The following PRTG variants were observed in gnomAD, a reference collection of about 807,000 sequenced individuals.
The protein encoded by PRTG is protogenin.
Under a neutral mutation model 122.5 loss-of-function variants are expected in PRTG, and 67 were observed. That is an observed-to-expected ratio of 0.55 (90% confidence interval 0.45 to 0.67). The LOEUF is 0.67. Among genes scored for constraint, PRTG ranks in the 30% least tolerant of loss-of-function variants. The pLI is 0.00. For synonymous variants in PRTG, 554 were observed against 501.1 expected (o/e 1.11, Z -1.41); for missense variants, 1,435 against 1,415.4 (o/e 1.01, Z -0.22).
chr15:55,726,463 G>C (rs1195562353), intron 2 of PRTG, among the ~76,000 whole-genome samples: 1 of 151,970 alleles, frequency 6.6e-6, no homozygotes, highest in Non-Finnish European at 1.5e-5. Context: ...AGAGAGCTGG[G>C]GAGGCTGTAC....
chr15:55,672,709 T>G, intron 10 of PRTG, 76 bp from the exon 11 acceptor site: 1 of 1,119,980 alleles, frequency 8.9e-7, no homozygotes, highest in Non-Finnish European at 1.2e-6. Flanking sequence ...GGTAGTTCTC[T>G]CAGTTTTAAG....
chr15:55,624,622 C>A, intron 17 of PRTG, 115 bp from the exon 18 acceptor site: 1 of 701,860 alleles, frequency 1.4e-6, no homozygotes, highest in Non-Finnish European at 2.2e-6. Flanking sequence ...ATACCCATTT[C>A]TCAAATATTT....
intron 11 of PRTG, among the ~76,000 whole-genome samples, chr15:55,658,301 C>T (rs893795876): frequency 1.7e-4 from 26 of 151,906 alleles, no homozygotes; most frequent in Non-Finnish European, 2.6e-4. Flanking sequence ...TTTGTGCATG[C>T]GCATTATTGT....
At chr15:55,713,049 T>C (rs2030454183) in intron 2 of PRTG, among the ~76,000 whole-genome samples, 2 of 152,202 alleles carry the variant, frequency 1.3e-5, no homozygotes, top group African/African-American at 4.8e-5. Context: ...TAAAACACTA[T>C]AGAGATTTGG....
chr15:55,675,643 G>C lies in PRTG; in HGVS notation c.1422C>G (p.Asp474Glu). 6.3e-7 allele frequency: 1 copy of C among 1,593,924 alleles called. No homozygotes were observed. The highest frequency in any genetic ancestry group is 8.6e-7 in the Non-Finnish European group (1 of 1,162,156). The change falls in exon 9 of 20, where the codon GAC becomes GAG. Residue 474 changes from aspartate (D) to glutamate (E), a missense_variant. By Grantham distance (45) the Asp-to-Glu change is conservative (BLOSUM62 2). Coordinates refer to ENST00000389286, the MANE Select transcript of PRTG (RefSeq NM_173814.6). ...AGTCATCAATAATATAATGAGTTGT[G>C]TCATTTCCGATGACTACTTGATACT... is the stretch of plus-strand genomic sequence containing the variant. ...NEEYQVVIGN[D>E]TTHYIIDDLE...
chr15:55,619,343 G>A lies in PRTG; in HGVS notation c.*669C>T, dbSNP rs1433677559. 2.6e-5 allele frequency: 4 copies of A among 152,034 alleles called. No individual in the cohort carries two copies. The highest frequency in any genetic ancestry group is 7.3e-5 in the African/African-American group (3 of 41,328). 9.4% of individuals were successfully genotyped at this position (152,034 alleles called of 1,614,324 possible). On this transcript the variant is annotated 3_prime_UTR_variant, in exon 20 of 20. Transcript: ENST00000389286. Reference sequence around the variant, plus strand: ...CTTTTCCTCTTCTCAGTGGTTTAACGGTCCTCACAGCCAGAGGTATGAACT... The same window carrying A: ...CTTTTCCTCTTCTCAGTGGTTTAACAGTCCTCACAGCCAGAGGTATGAACT...
intron 18 of PRTG, among the ~76,000 whole-genome samples, 156 bp from the exon 19 acceptor site, chr15:55,620,923 T>C (rs1392636907): frequency 6.6e-6 from 1 of 152,228 alleles, no homozygotes; most frequent in African/African-American, 2.4e-5. Context: ...GCATGTTTGT[T>C]ACATGAGTGG....
At chr15:55,721,028 A>C (rs1161724698) in intron 2 of PRTG, among the ~76,000 whole-genome samples, 1 of 151,948 alleles carries the variant, frequency 6.6e-6, no homozygotes, top group South Asian at 2.1e-4. Context: ...TGTTCCCTAC[A>C]TTTGCTTCTC....
chr15:55,722,539 G>A (rs1392892373), intron 2 of PRTG, among the ~76,000 whole-genome samples: 1 of 152,140 alleles, frequency 6.6e-6, no homozygotes, highest in Non-Finnish European at 1.5e-5. Context: ...CAAGGGCCCT[G>A]AAAAATCTCA....
intron 2 of PRTG, among the ~76,000 whole-genome samples, chr15:55,701,549 C>CAA (rs1453081345): frequency 6.6e-6 from 1 of 151,954 alleles, no homozygotes; most frequent in Non-Finnish European, 1.5e-5. Flanking sequence ...CAAAACAAAA[C>CAA]AAAACAAAAC....
At chr15:55,737,976 T>TTC (rs376933626) in intron 2 of PRTG, among the ~76,000 whole-genome samples, 2,672 of 91,316 alleles carry the variant, frequency 0.029, 51 homozygotes, top group African/African-American at 0.06. Context: ...TTAATGCCTA[T>TTC]TCTCTCTCTC....
intron 12 of PRTG, 24 bp downstream of exon 12, chr15:55,641,089 C>T: frequency 3.2e-6 from 5 of 1,542,140 alleles, no homozygotes; most frequent in Non-Finnish European, 4.5e-6. Context: ...CATAGTAAAA[C>T]AAACTGCCAT....
intron 11 of PRTG, among the ~76,000 whole-genome samples, 198 bp downstream of exon 11, chr15:55,672,247 T>C (rs1217396320): frequency 6.6e-6 from 1 of 152,222 alleles, no homozygotes; most frequent in Non-Finnish European, 1.5e-5. Context: ...GGCTGCCTGA[T>C]ATTTTGCCAC....
chr15:55,658,223 G>T (rs1167515079), intron 11 of PRTG, among the ~76,000 whole-genome samples: 3 of 152,012 alleles, frequency 2.0e-5, no homozygotes, highest in Non-Finnish European at 4.4e-5. Context: ...TAAATATATA[G>T]GATTTCTCCA....
At chr15:55,637,069 A>C in intron 15 of PRTG, 101 bp downstream of exon 15, 1 of 1,069,090 alleles carries the variant, frequency 9.4e-7, no homozygotes, top group East Asian at 2.7e-5. Context: ...TTCATACATA[A>C]AAATGTAAAT....
intron 18 of PRTG, among the ~76,000 whole-genome samples, chr15:55,623,618 G>C (rs2059178566): frequency 1.3e-5 from 2 of 152,136 alleles, no homozygotes; most frequent in Non-Finnish European, 2.9e-5. Flanking sequence ...AACAAAAACA[G>C]GCCCCAGGCT....
chr15:55,638,606 C>T lies in PRTG; in HGVS notation c.2395G>A (p.Val799Met). 6.2e-7 allele frequency: 1 copy of T among 1,613,488 alleles called. No individual in the cohort carries two copies. The highest frequency in any genetic ancestry group is 8.5e-7 in the Non-Finnish European group (1 of 1,179,570). ...CTCCAAGGACTGGAAAGCTGATCCA[C>T]ATGTAATCGAACGGCAAATTCGTAT... ...TKYEFAVRLH[V>M]DQLSSPWSPV... The change falls in exon 14 of 20, where the codon GTG (valine) becomes ATG (methionine). Residue 799 changes from valine (V) to methionine (M), a missense_variant. Val to Met is a conservative substitution (Grantham distance 21, BLOSUM62 1). Transcript: ENST00000389286.
intron 2 of PRTG, among the ~76,000 whole-genome samples, chr15:55,686,129 T>A (rs1040994920): frequency 6.6e-6 from 1 of 152,162 alleles, no homozygotes; most frequent in Non-Finnish European, 1.5e-5. Context: ...AATAATCAGG[T>A]AAGTTTGTCT....
At chr15:55,627,743 A>G (rs1212711669) in intron 16 of PRTG, among the ~76,000 whole-genome samples, 3 of 152,222 alleles carry the variant, frequency 2.0e-5, no homozygotes, top group Non-Finnish European at 4.4e-5. Context: ...GTTCCTTGAT[A>G]GACCCAAGAA....
Sources: allele counts gnomAD v4.1 joint callset (sites outside exome capture counted in the v4.1 genomes callset), GRCh38; gene constraint gnomAD v4.1.1; transcripts MANE v1.5; gene names NCBI Gene and HGNC (gene_info 2026-07-23, HGNC 2026-07-21).